NEMF: variants seen among roughly 807,000 people sequenced by gnomAD.
The protein encoded by NEMF is ribosome quality control complex subunit NEMF.
NEMF carries 89 observed loss-of-function variants against 162.2 expected under a neutral mutation model. The observed-to-expected ratio is 0.55, with a 90% CI of 0.46 to 0.65. NEMF has a LOEUF of 0.65. Ranked by LOEUF, NEMF falls within the 30% of genes least tolerant of loss-of-function variation. The pLI, the probability that NEMF is intolerant of heterozygous loss-of-function variation, is 0.00. For missense variants in NEMF, 1,133 were observed against 1,261.9 expected (o/e 0.90, Z 1.55); for synonymous variants, 421 against 404.5 (o/e 1.04, Z -0.49).
At chr14:49,785,787 AG>A (rs1254794719) in intron 29 of NEMF, 57 of 152,496 alleles carry the variant, frequency 3.7e-4, no homozygotes, top group African/African-American at 1.3e-3. Flanking sequence ...CGGAAGACTG[AG>A]GGGGGGAGGA....
intron 16 of NEMF, among the ~76,000 whole-genome samples, chr14:49,819,363 T>C (rs1302176335): frequency 6.6e-6 from 1 of 151,082 alleles, no homozygotes; most frequent in Non-Finnish European, 1.5e-5. Flanking sequence ...TCATTATGCA[T>C]ATGTATATAA....
Position 49,788,316 on chromosome 14 carries a change from T to C in NEMF, c.2895+830A>G, listed in dbSNP as rs138117330. Among the ~76,000 whole-genome samples, 487 of 148,476 alleles carry C rather than the reference T, an allele frequency of 3.3e-3. 3 individuals carry two copies. The highest frequency in any genetic ancestry group is 0.012 in the African/African-American group (466 of 40,436). On this transcript the variant is annotated intron_variant, in intron 28 of 32. Coordinates refer to ENST00000298310, the MANE Select transcript of NEMF (RefSeq NM_004713.6). ...AAAAAATTCAAGAAGAGGTACATAT[T>C]CATGTAAGAAGATATACAGAAGGCT...
chr14:49,836,274 C>T (rs1261944686), intron 6 of NEMF, among the ~76,000 whole-genome samples: 1 of 151,628 alleles, frequency 6.6e-6, no homozygotes, highest in Non-Finnish European at 1.5e-5. Flanking sequence ...ATGAGATTGT[C>T]TCAAATAATA....
intron 16 of NEMF, among the ~76,000 whole-genome samples, chr14:49,824,450 T>C (rs1258873429): frequency 7.2e-6 from 1 of 139,146 alleles, no homozygotes; most frequent in Non-Finnish European, 1.5e-5. Context: ...GGCTGAGGCA[T>C]GAGAATCGCT....
At chr14:49,836,142 A>G (rs1024251902) in intron 6 of NEMF, among the ~76,000 whole-genome samples, 2 of 152,152 alleles carry the variant, frequency 1.3e-5, no homozygotes, top group Non-Finnish European at 2.9e-5. Context: ...TAGTGGGTGT[A>G]GTGGCATACA....
chr14:49,828,636 T>C lies in NEMF; in HGVS notation c.1404A>G (p.Ser468=), dbSNP rs1188686484. The C allele has an allele frequency of 7.6e-6, 12 of 1,573,654 alleles. No individual in the cohort carries two copies. Among genetic ancestry groups the C allele is most frequent in the South Asian group, 1.2e-5 (1 of 82,152 alleles). ...CTTACTTTTTGGCATTGGCATATGC[T>C]GACAAGCTGAGATCAACATCTACAA... is the stretch of plus-strand genomic sequence containing the variant. The part of the protein sequence containing the change: ...PLLVDVDLSL[S]AYANAKKYYD... Residue 468 remains serine (S), a synonymous_variant, in exon 14 of 33, where the codon TCA becomes TCG. Transcript: ENST00000298310.
rs148601238 is a variant in NEMF, at chr14:49,833,205, G to A, written c.735+218C>T. ...CACTTCAACCAGGGAAGCAGAGGTT[G>A]CAATGAGCCAAGATCATGCCACTGC... On this transcript the variant is annotated intron_variant, in intron 8 of 32. Transcript: ENST00000298310. 1.7e-3 allele frequency among the ~76,000 whole-genome samples: 261 copies of A among 152,286 alleles called. 2 individuals are homozygous for A. The highest frequency in any genetic ancestry group is 5.4e-3 in the Admixed American group (83 of 15,290).
intron 8 of NEMF, 85 bp from the exon 9 acceptor site, chr14:49,832,362 C>A: frequency 1.1e-6 from 1 of 904,330 alleles, no homozygotes; most frequent in South Asian, 1.6e-5. Context: ...CAGTCGCGCT[C>A]GCTCCATCAC....
At chr14:49,818,983 C>T (rs1454218556) in intron 16 of NEMF, among the ~76,000 whole-genome samples, 2 of 152,192 alleles carry the variant, frequency 1.3e-5, no homozygotes, top group East Asian at 1.9e-4. Context: ...AAATGTAAAA[C>T]GTTGAACAGA....
intron 19 of NEMF, among the ~76,000 whole-genome samples, chr14:49,803,683 G>T (rs1234447753): frequency 1.3e-5 from 2 of 152,050 alleles, no homozygotes; most frequent in Non-Finnish European, 2.9e-5. Flanking sequence ...GCACCACCAT[G>T]CCCAGCTGAT....
intron 14 of NEMF, 78 bp from the exon 15 acceptor site, chr14:49,828,432 T>C (rs920552120): frequency 5.7e-6 from 6 of 1,057,312 alleles, no homozygotes; most frequent in Non-Finnish European, 7.0e-6. Context: ...ACTTGACAAA[T>C]TCTCAAATTA....
intron 26 of NEMF, among the ~76,000 whole-genome samples, chr14:49,790,877 CA>C: frequency 6.6e-6 from 1 of 152,224 alleles, no homozygotes; most frequent in East Asian, 1.9e-4. Flanking sequence ...CCTGTAATCC[CA>C]GCTACTTGGG....
chr14:49,821,576 G>A (rs1175578207), intron 16 of NEMF, among the ~76,000 whole-genome samples: 1 of 98,904 alleles, frequency 1.0e-5, no homozygotes, highest in Non-Finnish European at 2.1e-5. Context: ...CGCCCCGTCC[G>A]GGAGGGAGGT....
intron 25 of NEMF, chr14:49,796,171 G>A (rs1890683684): frequency 1.7e-6 from 1 of 574,810 alleles, no homozygotes; most frequent in Non-Finnish European, 3.2e-6. Context: ...CATCATCCAA[G>A]CTCAACATAT....
At chr14:49,845,869 T>C (rs762030516) in intron 4 of NEMF, 4 of 487,810 alleles carry the variant, frequency 8.2e-6, no homozygotes. Context: ...AGTCCTGAAA[T>C]GTCAAGTACC....
intron 3 of NEMF, among the ~76,000 whole-genome samples, chr14:49,848,153 C>A (rs756918535): frequency 6.6e-6 from 1 of 152,148 alleles, no homozygotes; most frequent in African/African-American, 2.4e-5. Context: ...AAGTGCCCTG[C>A]CACTGTGCCC....
intron 11 of NEMF, among the ~76,000 whole-genome samples, chr14:49,829,974 C>T (rs1288873220): frequency 6.6e-6 from 1 of 152,142 alleles, no homozygotes; most frequent in Non-Finnish European, 1.5e-5. Flanking sequence ...GATTTTCTCA[C>T]AACTATTTCC....
chr14:49,844,729 ACG>A (rs1328400600), intron 4 of NEMF: 3,210 of 68,852 alleles, frequency 0.047, 37 homozygotes, highest in South Asian at 0.073. Context: ...ACGCACGCGC[ACG>A]CGCGCGCACA....
chr14:49,787,113 G>A, intron 28 of NEMF: 2 of 176,620 alleles, frequency 1.1e-5, no homozygotes, highest in South Asian at 1.6e-4. Flanking sequence ...AAAGCAAATG[G>A]AGAATTTTGG....
Sources: gnomAD v4.1 joint callset for allele counts (sites outside exome capture counted in the v4.1 genomes callset) on GRCh38, gnomAD v4.1.1 for gene constraint, MANE v1.5 for transcripts, NCBI Gene and HGNC (gene_info 2026-07-23, HGNC 2026-07-21) for gene names.